Variants in CFAP61 observed in about 807,000 individuals in gnomAD.
The protein encoded by CFAP61 is cilia- and flagella-associated protein 61.
Under a neutral mutation model 135.6 loss-of-function variants are expected in CFAP61, and 107 were observed. The ratio of observed to expected loss-of-function variants is 0.79; its 90% CI spans 0.67 to 0.93. The LOEUF (loss-of-function observed/expected upper bound fraction) is 0.93, where lower values mean the gene tolerates loss of function less well. Among genes scored for constraint, CFAP61 ranks in the 40% least tolerant of loss-of-function variants. CFAP61 has a pLI of 0.00. For synonymous variants in CFAP61, 575 were observed against 578.5 expected (o/e 0.99, Z 0.09); for missense variants, 1,507 against 1,556.2 (o/e 0.97, Z 0.53).
chr20:20,072,025 C>A lies in CFAP61; in HGVS notation c.294+1021C>A, dbSNP rs1368689061. Among the ~76,000 whole-genome samples the A allele has an allele frequency of 2.7e-5, 4 of 147,648 alleles. No homozygotes were observed. The East Asian group carries it at 7.8e-4, about 29-fold the overall frequency. On this transcript the variant is annotated intron_variant, in intron 3 of 26. Coordinates refer to ENST00000245957, the MANE Select transcript of CFAP61 (RefSeq NM_015585.4). The stretch of plus-strand genomic sequence containing the variant: ...GTAAAGAATTCCTGTCTGGATAGAG[C>A]TAACCTCAAAGGTTATGGTTTATTG...
At chr20:20,301,563 C>T (rs748904813) in intron 25 of CFAP61, among the ~76,000 whole-genome samples, 5 of 152,200 alleles carry the variant, frequency 3.3e-5, no homozygotes, top group Non-Finnish European at 7.3e-5. Context: ...TAAATTTGGC[C>T]AGTCTAGTGG....
intron 13 of CFAP61, among the ~76,000 whole-genome samples, chr20:20,177,950 T>G (rs184570445): frequency 1.3e-5 from 2 of 152,238 alleles, no homozygotes; most frequent in East Asian, 3.9e-4. Flanking sequence ...TCTTCTATTT[T>G]TTGCTTCACT....
At chr20:20,085,799 C>G (rs1231476244) in intron 6 of CFAP61, among the ~76,000 whole-genome samples, 1 of 152,160 alleles carries the variant, frequency 6.6e-6, no homozygotes, top group African/African-American at 2.4e-5. Flanking sequence ...TTATTTTTGG[C>G]AAAACGTTTG....
chr20:20,339,937 CTGTAGGA>C (rs1350011051), intron 25 of CFAP61, among the ~76,000 whole-genome samples: 1 of 152,218 alleles, frequency 6.6e-6, no homozygotes, highest in African/African-American at 2.4e-5. Flanking sequence ...CATGCTGCTG[CTGTAGGA>C]TGATTTTAGG....
intron 24 of CFAP61, among the ~76,000 whole-genome samples, chr20:20,296,425 TCCTC>T (rs1275461397): frequency 3.2e-5 from 4 of 123,720 alleles, no homozygotes; most frequent in South Asian, 3.1e-4. Flanking sequence ...TTTTCTTTCT[TCCTC>T]CCTCCCTCCT....
At chr20:20,297,966 G>A (rs2055769814) in intron 24 of CFAP61, among the ~76,000 whole-genome samples, 1 of 152,186 alleles carries the variant, frequency 6.6e-6, no homozygotes, top group Non-Finnish European at 1.5e-5. Context: ...GGCAATCACA[G>A]TTTTAAATAT....
At chr20:20,122,072 C>CT (rs2049689806) in intron 8 of CFAP61, among the ~76,000 whole-genome samples, 1 of 151,844 alleles carries the variant, frequency 6.6e-6, no homozygotes, top group Admixed American at 6.6e-5. Context: ...ACATTGTACT[C>CT]TATTTGTAGT....
chr20:20,235,544 A>G (rs187830622), intron 18 of CFAP61, among the ~76,000 whole-genome samples: 138 of 152,012 alleles, frequency 9.1e-4, no homozygotes, highest in Non-Finnish European at 1.4e-3. Context: ...CACTTTTCTC[A>G]TGGGCAGCCT....
chr20:20,067,073 G>T, intron 2 of CFAP61, among the ~76,000 whole-genome samples: 2 of 150,830 alleles, frequency 1.3e-5, no homozygotes, highest in African/African-American at 2.4e-5. Flanking sequence ...ATTATAAAAA[G>T]TTTTATAACA....
chr20:20,292,675 G>A (rs1033181514), intron 24 of CFAP61, among the ~76,000 whole-genome samples: 3 of 152,182 alleles, frequency 2.0e-5, no homozygotes, highest in Non-Finnish European at 4.4e-5. Flanking sequence ...TCAAGGACCG[G>A]AAGTGTTCAC....
chr20:20,276,592 G>A (rs945091442), intron 21 of CFAP61, among the ~76,000 whole-genome samples: 5 of 152,162 alleles, frequency 3.3e-5, no homozygotes, highest in Non-Finnish European at 7.4e-5. Flanking sequence ...CTGTCTTTCA[G>A]TCCCTCTAGC....
chr20:20,293,228 T>G (rs773537482), intron 24 of CFAP61, among the ~76,000 whole-genome samples: 10 of 152,228 alleles, frequency 6.6e-5, no homozygotes, highest in Non-Finnish European at 1.2e-4. Context: ...AGCCACCGAC[T>G]CTCTCTAAAT....
At chr20:20,185,515 G>A (rs1315650663) in intron 13 of CFAP61, among the ~76,000 whole-genome samples, 1 of 152,198 alleles carries the variant, frequency 6.6e-6, no homozygotes, top group African/African-American at 2.4e-5. Flanking sequence ...GAGGCCAAAG[G>A]TCTGGGCCTG....
intron 25 of CFAP61, among the ~76,000 whole-genome samples, chr20:20,299,073 G>A (rs981873610): frequency 6.6e-6 from 1 of 152,192 alleles, no homozygotes; most frequent in Non-Finnish European, 1.5e-5. Context: ...GATGTGGAAT[G>A]AAAACCATGC....
chr20:20,351,554 T>C (rs2058837182), intron 26 of CFAP61, among the ~76,000 whole-genome samples: 1 of 145,588 alleles, frequency 6.9e-6, no homozygotes, highest in Admixed American at 7.1e-5. Context: ...TGTACTCCAG[T>C]CTGAGCGAGA....
At chr20:20,210,177 C>G (rs1976337670) in intron 17 of CFAP61, among the ~76,000 whole-genome samples, 1 of 152,180 alleles carries the variant, frequency 6.6e-6, no homozygotes, top group African/African-American at 2.4e-5. Flanking sequence ...AGTCTCCTTC[C>G]TGTATTCTCC....
intron 13 of CFAP61, among the ~76,000 whole-genome samples, chr20:20,183,621 AAGT>A (rs1295658152): frequency 3.3e-5 from 5 of 152,268 alleles, no homozygotes; most frequent in Non-Finnish European, 5.9e-5. Context: ...AAAAATCAAA[AAGT>A]AGGTGAAATT....
At chr20:20,259,245 CTTTTTTTTTT>C (rs3060665) in intron 20 of CFAP61, among the ~76,000 whole-genome samples, 1 of 75,944 alleles carries the variant, frequency 1.3e-5, no homozygotes, top group Non-Finnish European at 2.3e-5. Context: ...GCCCTTCCAT[CTTTTTTTTTT>C]TTTTTTTTTT....
At chr20:20,350,524 G>A (rs2058797536) in intron 26 of CFAP61, among the ~76,000 whole-genome samples, 1 of 152,186 alleles carries the variant, frequency 6.6e-6, no homozygotes, top group African/African-American at 2.4e-5. Context: ...AGCTACTCGG[G>A]AGGCTGAGGC....
Sources: gnomAD v4.1 joint callset for allele counts (sites outside exome capture counted in the v4.1 genomes callset) on GRCh38, gnomAD v4.1.1 for gene constraint, MANE v1.5 for transcripts, NCBI Gene and HGNC (gene_info 2026-07-23, HGNC 2026-07-21) for gene names.